CRYBG1: variants seen among roughly 807,000 people sequenced by gnomAD.
CRYBG1 encodes crystallin beta-gamma domain containing 1.
CRYBG1 carries 139 observed loss-of-function variants against 189.2 expected under a neutral mutation model. The ratio of observed to expected loss-of-function variants is 0.73; its 90% CI spans 0.64 to 0.85. The LOEUF (loss-of-function observed/expected upper bound fraction) is 0.85, where lower values mean the gene tolerates loss of function less well. Among genes scored for constraint, CRYBG1 ranks in the 40% least tolerant of loss-of-function variants. The pLI, the probability that CRYBG1 is intolerant of heterozygous loss-of-function variation, is 0.00. For missense variants in CRYBG1, 2,611 were observed against 2,675.8 expected (o/e 0.98, Z 0.53); for synonymous variants, 1,023 against 1,017.1 (o/e 1.01, Z -0.11).
chr6:106,478,800 C>T (rs1454060968), intron 2 of CRYBG1, among the ~76,000 whole-genome samples: 3 of 152,184 alleles, frequency 2.0e-5, no homozygotes, highest in East Asian at 3.9e-4. Flanking sequence ...AGATCAGTGG[C>T]GGCATTAGAT....
intron 2 of CRYBG1, among the ~76,000 whole-genome samples, chr6:106,486,865 A>G (rs1772601276): frequency 6.6e-6 from 1 of 151,776 alleles, no homozygotes; most frequent in Non-Finnish European, 1.5e-5. Flanking sequence ...CCATTCAGTC[A>G]CTCTATATCT....
intron 9 of CRYBG1, chr6:106,541,309 T>C (rs566292914): frequency 6.8e-6 from 4 of 587,658 alleles, no homozygotes; most frequent in Admixed American, 6.6e-5. Flanking sequence ...TGGATTTTTA[T>C]GATAAATTTT....
chr6:106,520,931 A>C lies in CRYBG1; in HGVS notation c.3723A>C (p.Ala1241=). The part of the protein sequence containing the change: ...GIKRSRLEKS[A]LFSSLLSSLP... ...AGAGATCGAGACTAGAAAAAAGTGC[A>C]CTTTTCTCAAGCTTGTTATCTTCTT... Residue 1241 remains alanine (A), a synonymous_variant, in exon 4 of 22, where the codon GCA becomes GCC. Coordinates refer to ENST00000633556, the MANE Select transcript of CRYBG1 (RefSeq NM_001371242.2). The C allele has an allele frequency of 1.2e-6, 2 of 1,614,108 alleles. No homozygotes were observed. Among genetic ancestry groups the C allele is most frequent in the Non-Finnish European group, 1.7e-6 (2 of 1,180,020 alleles).
intron 17 of CRYBG1, among the ~76,000 whole-genome samples, chr6:106,556,364 T>A (rs1267866079): frequency 6.6e-6 from 1 of 152,256 alleles, no homozygotes; most frequent in Non-Finnish European, 1.5e-5. Context: ...GGCTGGTATC[T>A]CTTATTTATA....
rs200907382 is a variant in CRYBG1, at chr6:106,525,335, G to T, written c.4361G>T (p.Cys1454Phe). 1 of 1,614,126 alleles carries T rather than the reference G, an allele frequency of 6.2e-7. No homozygotes were observed. The highest frequency in any genetic ancestry group is 2.2e-5 in the East Asian group (1 of 44,858). ...CIEVFSDIQDCSSWSLSPVIL... is the reference protein window; with the variant it reads ...CIEVFSDIQDFSSWSLSPVIL... ...GAAGTTTTCAGTGACATTCAGGATTGCAGTTCTTGGAGCCTCTCTCCAGTG... is the reference window on the plus strand; with the variant it reads ...GAAGTTTTCAGTGACATTCAGGATTTCAGTTCTTGGAGCCTCTCTCCAGTG... Residue 1454 changes from cysteine to phenylalanine, a missense_variant, in exon 6 of 22, where the codon TGC (cysteine) becomes TTC (phenylalanine). Around this residue, in one of 3 missense-constraint regions of CRYBG1, gnomAD observed 1,622 missense variants for 1,735.0 expected, o/e 0.93. Coordinates refer to ENST00000633556, the MANE Select transcript of CRYBG1 (RefSeq NM_001371242.2).
intron 1 of CRYBG1, among the ~76,000 whole-genome samples, chr6:106,372,237 T>C (rs1770053203): frequency 6.6e-6 from 1 of 152,134 alleles, no homozygotes; most frequent in Non-Finnish European, 1.5e-5. Context: ...TTGAGGTTTT[T>C]GTCATTACTT....
chr6:106,567,977 A>G (rs554091144), intron 21 of CRYBG1, among the ~76,000 whole-genome samples: 1 of 152,262 alleles, frequency 6.6e-6, no homozygotes, highest in African/African-American at 2.4e-5. Flanking sequence ...GACCTAATAC[A>G]GCCCGTTTTC....
At chr6:106,400,765 TTACAGCACC>T (rs1170380155) in intron 1 of CRYBG1, among the ~76,000 whole-genome samples, 2 of 151,990 alleles carry the variant, frequency 1.3e-5, no homozygotes, top group Non-Finnish European at 2.9e-5. Flanking sequence ...CAGAAGAAAA[TTACAGCACC>T]TACAGTGTCA....
chr6:106,391,019 A>G (rs966142016), intron 1 of CRYBG1, among the ~76,000 whole-genome samples: 4 of 152,178 alleles, frequency 2.6e-5, no homozygotes, highest in Non-Finnish European at 5.9e-5. Flanking sequence ...AAGTGATTGT[A>G]TCAGTGTACA....
chr6:106,497,060 T>C (rs1050454597), intron 2 of CRYBG1, among the ~76,000 whole-genome samples: 2 of 152,154 alleles, frequency 1.3e-5, no homozygotes, highest in African/African-American at 2.4e-5. Flanking sequence ...AAGAGGGTGA[T>C]GAAATATTTC....
At chr6:106,478,882 T>A (rs1772388115) in intron 2 of CRYBG1, among the ~76,000 whole-genome samples, 1 of 152,186 alleles carries the variant, frequency 6.6e-6, no homozygotes, top group African/African-American at 2.4e-5. Context: ...CTTAAGAGAA[T>A]CTAATGTCTG....
chr6:106,464,010 G>T (rs889419280), intron 2 of CRYBG1, among the ~76,000 whole-genome samples: 1 of 152,218 alleles, frequency 6.6e-6, no homozygotes, highest in African/African-American at 2.4e-5. Flanking sequence ...ACCAAAATGT[G>T]TGAGTGGAGG....
In CRYBG1 at chr6:106,447,924, A is replaced by G. The variant is rs546172626; in HGVS notation, c.174-3770A>G. 2.9e-3 allele frequency among the ~76,000 whole-genome samples: 445 copies of G among 152,336 alleles called. 4 individuals carry two copies. Among genetic ancestry groups the G allele is most frequent in the African/African-American group, 0.01 (436 of 41,562 alleles). Reference sequence around the variant, plus strand: ...GTGTTACAAAGTTGCTTTAGGTCTTAGAGACCTCTTGGCACGATTTCAAGT... The same window carrying G: ...GTGTTACAAAGTTGCTTTAGGTCTTGGAGACCTCTTGGCACGATTTCAAGT... On this transcript the variant is annotated intron_variant, in intron 1 of 21. Coordinates refer to ENST00000633556, the MANE Select transcript of CRYBG1 (RefSeq NM_001371242.2).
chr6:106,383,233 G>A (rs150726043), intron 1 of CRYBG1, among the ~76,000 whole-genome samples: 188 of 152,238 alleles, frequency 1.2e-3, no homozygotes, highest in African/African-American at 4.3e-3. Context: ...GCAGATTTCT[G>A]TTCCTCTAGA....
intron 13 of CRYBG1, among the ~76,000 whole-genome samples, chr6:106,546,451 G>A (rs2219667): frequency 0.61 from 92,896 of 152,116 alleles, 30,511 homozygotes; most frequent in Non-Finnish European, 0.73. Flanking sequence ...ATCTCATGGG[G>A]CCTCCCACAA....
intron 1 of CRYBG1, among the ~76,000 whole-genome samples, chr6:106,410,307 A>T (rs1353105248): frequency 6.6e-6 from 1 of 152,242 alleles, no homozygotes; most frequent in African/African-American, 2.4e-5. Flanking sequence ...AGAAATGCAA[A>T]TCAAACCCAC....
chr6:106,416,283 T>C (rs934457580), intron 1 of CRYBG1, among the ~76,000 whole-genome samples: 1 of 152,216 alleles, frequency 6.6e-6, no homozygotes, highest in Non-Finnish European at 1.5e-5. Context: ...GGGAGGAAGT[T>C]CTGTCTTTCC....
At chr6:106,418,258 G>A (rs1771061580) in intron 1 of CRYBG1, among the ~76,000 whole-genome samples, 1 of 152,198 alleles carries the variant, frequency 6.6e-6, no homozygotes, top group South Asian at 2.1e-4. Context: ...GCTAGTATTG[G>A]AAAAGGCAAC....
In CRYBG1 at chr6:106,512,725, C is replaced by A. The variant is rs1320025829; in HGVS notation, c.1608C>A (p.Pro536=). The change falls in exon 3 of 22, where the codon CCC becomes CCA. Residue 536 remains proline (P), a synonymous_variant. Coordinates refer to ENST00000633556, the MANE Select transcript of CRYBG1 (RefSeq NM_001371242.2). ...PAPPASGPRA[P]AKESPPKRVP... is the part of the protein sequence containing the mutation. ...CGCCCGCCAGCGGCCCCCGGGCTCC[C>A]GCCAAGGAGTCCCCACCCAAGAGGG... is the stretch of plus-strand genomic sequence containing the variant. 6 of 1,559,288 alleles carry A rather than the reference C, an allele frequency of 3.8e-6. No homozygotes were observed. The highest frequency in any genetic ancestry group is 1.2e-5 in the South Asian group (1 of 84,668).
Sources: gnomAD v4.1 joint callset for allele counts (sites outside exome capture counted in the v4.1 genomes callset) on GRCh38, gnomAD v4.1.1 for gene constraint, gnomAD v4.1.1 regional missense constraint, MANE v1.5 for transcripts, NCBI Gene and HGNC (gene_info 2026-07-23, HGNC 2026-07-21) for gene names.